Variants in SUPT5H observed in about 807,000 individuals in gnomAD.
SUPT5H encodes the protein transcription elongation factor SPT5.
Under a neutral mutation model 142.5 loss-of-function variants are expected in SUPT5H, and 24 were observed. The ratio of observed to expected loss-of-function variants is 0.17; its 90% CI spans 0.12 to 0.24. The LOEUF is 0.24. Among genes scored for constraint, SUPT5H ranks in the 10% least tolerant of loss-of-function variants. The pLI is 1.00. For synonymous variants in SUPT5H, 546 were observed against 553.0 expected (o/e 0.99, Z 0.18); for missense variants, 893 against 1,471.8 (o/e 0.61, Z 6.43).
At chr19:39,461,965 C>T (rs2079168904) in intron 10 of SUPT5H, among the ~76,000 whole-genome samples, 1 of 151,796 alleles carries the variant, frequency 6.6e-6, no homozygotes, top group Admixed American at 6.6e-5. Flanking sequence ...CGGAGTTTCA[C>T]TCTTGTTGCC....
At chr19:39,460,110 G>C (rs1453096562) in intron 10 of SUPT5H, 150 bp downstream of exon 10, 4 of 729,996 alleles carry the variant, frequency 5.5e-6, no homozygotes, top group Non-Finnish European at 9.5e-6. Context: ...CCACTGCCTA[G>C]ATGGAAGGGC....
At position 39,466,333 on chromosome 19, in the gene SUPT5H, G is replaced by A. The variant is rs1360422922; in HGVS notation, c.877-147G>A. 1.4e-5 allele frequency: 10 copies of A among 700,918 alleles called. No individual in the cohort carries two copies. Among genetic ancestry groups the A allele is most frequent in the Non-Finnish European group, 2.3e-5 (9 of 399,254 alleles). 43.4% of individuals were successfully genotyped at this position (700,918 alleles called of 1,614,324 possible). ...CAGAGTTGAGGGGACAGACAAGCTA[G>A]CGTGGGACTTTTGGGAGTGGTCAGC... On this transcript the variant is annotated intron_variant, in intron 11 of 29. Transcript: ENST00000432763. This position sits in a 1 kb window ranked among gnomAD's most constrained non-coding sequence, Gnocchi z 4.3.
chr19:39,464,917 C>G lies in SUPT5H; in HGVS notation c.744C>G (p.Gly248=), dbSNP rs780448098. ...AIEGVGNLRL[G]YWNQQMVPIK... ...AGGGGGTGGGCAACCTGCGGCTTGGCTACTGGAACCAGCAGATGGTGCCCA... is the reference window on the plus strand; with the variant it reads ...AGGGGGTGGGCAACCTGCGGCTTGGGTACTGGAACCAGCAGATGGTGCCCA... Residue 248 remains glycine (G), a synonymous_variant, in exon 11 of 30, where the codon GGC becomes GGG. Coordinates refer to ENST00000432763, the MANE Select transcript of SUPT5H (RefSeq NM_001111020.3). 7 of 1,614,108 alleles carry G rather than the reference C, an allele frequency of 4.3e-6. No homozygotes were observed. Among genetic ancestry groups the G allele is most frequent in the South Asian group, 3.3e-5 (3 of 91,092 alleles).
Position 39,458,367 on chromosome 19 carries a change from C to T in SUPT5H, c.319+62C>T. On this transcript the variant is annotated intron_variant, in intron 5 of 29. Transcript: ENST00000432763. The surrounding 1 kb of genome is among the most constrained non-coding windows in gnomAD (Gnocchi z 4.2). ...CCCATATCCTGACATTTCCTCCTTC[C>T]TGAGGCACCTGCCCTCACCGGTAGC... The T allele has an allele frequency of 6.2e-7, 1 of 1,605,654 alleles. No homozygotes were observed. Among genetic ancestry groups the T allele is most frequent in the Non-Finnish European group, 8.5e-7 (1 of 1,175,564 alleles).
chr19:39,446,831 A>G (rs1201448431), intron 2 of SUPT5H, among the ~76,000 whole-genome samples: 2 of 152,170 alleles, frequency 1.3e-5, no homozygotes, highest in Non-Finnish European at 2.9e-5. Context: ...ACATGGTGAA[A>G]CACCATTTCT....
At chr19:39,471,954 G>A in intron 20 of SUPT5H, 3 of 651,592 alleles carry the variant, frequency 4.6e-6, no homozygotes, top group South Asian at 2.3e-5. Context: ...CCTGTTAGGT[G>A]CCAGACACTG....
At chr19:39,460,956 A>G (rs1568424823) in intron 10 of SUPT5H, among the ~76,000 whole-genome samples, 1 of 152,088 alleles carries the variant, frequency 6.6e-6, no homozygotes. Context: ...TAGGGTTTGC[A>G]AACTATGCTT....
rs2078942287 is a variant in SUPT5H, at chr19:39,445,618, G to A, written c.-107G>A. The A allele has an allele frequency of 1.3e-5, 6 of 456,726 alleles. No homozygotes were observed. Among genetic ancestry groups the A allele is most frequent in the South Asian group, 2.9e-5 (1 of 34,784 alleles). 28.3% of individuals were successfully genotyped at this position (456,726 alleles called of 1,614,324 possible). A position where few individuals can be genotyped will look rare whatever the true frequency, so the allele number is the denominator to read the frequency against. On this transcript the variant is annotated 5_prime_UTR_variant, in exon 1 of 30. Transcript: ENST00000432763. Reference sequence around the variant, plus strand: ...GTGCGAACAGCAGCTGGTACCGAAGGCGGAGGTGGAGCCCGAGAGGTAAGT... The same window carrying A: ...GTGCGAACAGCAGCTGGTACCGAAGACGGAGGTGGAGCCCGAGAGGTAAGT...
rs968136950 is a variant in SUPT5H, at chr19:39,464,811, A to G, written c.638A>G (p.Lys213Arg). 4 of 1,610,414 alleles carry G rather than the reference A, an allele frequency of 2.5e-6. No individual in the cohort carries two copies. The African/African-American group carries it at 5.3e-5, about 22-fold the overall frequency. ...CTCACCCTGCAGCCCCTGCAGATCA[A>G]GTCAGTAGTGGCACCAGAGCATGTG... ...YQFTDTPLQIKSVVAPEHVKG... is the reference protein window; with the variant it reads ...YQFTDTPLQIRSVVAPEHVKG... Residue 213 changes from lysine to arginine, a missense_variant, in exon 11 of 30, where the codon AAG becomes AGG. By Grantham distance (26) the Lys-to-Arg change is conservative (BLOSUM62 2). Coordinates refer to ENST00000432763, the MANE Select transcript of SUPT5H (RefSeq NM_001111020.3).
intron 11 of SUPT5H, 29 bp downstream of exon 11, chr19:39,465,078 A>T: frequency 2.5e-6 from 4 of 1,598,176 alleles, no homozygotes; most frequent in Non-Finnish European, 3.4e-6. Context: ...CATGGGGGTC[A>T]GGGTCCCTCC....
rs753467124 is a variant in SUPT5H at position 39,472,492 on chromosome 19, A to T, written c.2034A>T (p.Gly678=). The change falls in exon 21 of 30, where the codon GGA becomes GGT. Residue 678 remains glycine (G), a splice_region_variant and synonymous_variant. Transcript: ENST00000432763. The surrounding 1 kb of genome is among the most constrained non-coding windows in gnomAD (Gnocchi z 4.2). ...GCAGCCCCATGCACCCCAGTGCTGG[A>T]GGTGAGAGGGGTTCAGGGTCAGGGG... ...RISSPMHPSA[G]GQRGGFGSPG... The T allele has an allele frequency of 6.2e-7, 1 of 1,613,780 alleles. No individual in the cohort carries two copies. The highest frequency in any genetic ancestry group is 8.5e-7 in the Non-Finnish European group (1 of 1,179,894).
At chr19:39,448,745 G>C (rs1320216838) in intron 2 of SUPT5H, among the ~76,000 whole-genome samples, 1 of 152,060 alleles carries the variant, frequency 6.6e-6, no homozygotes, top group Non-Finnish European at 1.5e-5. Context: ...AGCTACTTTT[G>C]AGGGGAGCTG....
chr19:39,459,328 C>G, intron 8 of SUPT5H, 79 bp downstream of exon 8: 3 of 1,513,318 alleles, frequency 2.0e-6, no homozygotes, highest in Non-Finnish European at 2.7e-6. Context: ...AGGTGGCTCC[C>G]TGAAATAAGT....
chr19:39,461,572 C>T (rs2079161606), intron 10 of SUPT5H, among the ~76,000 whole-genome samples: 1 of 152,052 alleles, frequency 6.6e-6, no homozygotes, highest in South Asian at 2.1e-4. Context: ...CCTGTAATCC[C>T]AGCACTTTGG....
Position 39,472,620 on chromosome 19 carries a change from A to G in SUPT5H, c.2035+127A>G. ...CTGCTATTAGGGGTTCACCACCCAC[A>G]GGAGGGTAGACGCCACAGTGACAGC... On this transcript the variant is annotated intron_variant, in intron 21 of 29. Transcript: ENST00000432763. This position sits in a 1 kb window ranked among gnomAD's most constrained non-coding sequence, Gnocchi z 4.2. 7.3e-7 allele frequency: 1 copy of G among 1,369,238 alleles called. No individual in the cohort carries two copies. The highest frequency in any genetic ancestry group is 1.0e-6 in the Non-Finnish European group (1 of 1,001,338). The allele number at this position is 1,369,238 out of a possible 1,614,324, so 84.8% of individuals were successfully genotyped here.
chr19:39,456,850 C>T (rs751846901), intron 3 of SUPT5H, among the ~76,000 whole-genome samples: 1 of 152,208 alleles, frequency 6.6e-6, no homozygotes, highest in Non-Finnish European at 1.5e-5. Flanking sequence ...TGAGCCACCA[C>T]GTCCAGCCTT....
intron 10 of SUPT5H, among the ~76,000 whole-genome samples, chr19:39,463,399 A>T (rs112032784): frequency 1.3e-4 from 20 of 152,178 alleles, no homozygotes; most frequent in African/African-American, 4.6e-4. Flanking sequence ...GTGTGTTGCC[A>T]TGTATTTGTG....
At chr19:39,465,417 T>A (rs896556002) in intron 11 of SUPT5H, among the ~76,000 whole-genome samples, 20 of 152,162 alleles carry the variant, frequency 1.3e-4, no homozygotes, top group African/African-American at 4.8e-4. Context: ...AGCTTTGGTG[T>A]TTACTGGCGT....
intron 4 of SUPT5H, chr19:39,457,994 C>A: frequency 2.5e-6 from 2 of 786,520 alleles, no homozygotes; most frequent in Non-Finnish European, 2.1e-6. Context: ...TGAATCCCTT[C>A]TGGGGTTGTA....
Sources: allele counts gnomAD v4.1 joint callset (sites outside exome capture counted in the v4.1 genomes callset), GRCh38; gene constraint gnomAD v4.1.1; non-coding constraint Gnocchi (gnomAD v3.1); transcripts MANE v1.5; gene names NCBI Gene and HGNC (gene_info 2026-07-23, HGNC 2026-07-21).